OR8H2: variants seen among roughly 807,000 people sequenced by gnomAD.
OR8H2 encodes the protein olfactory receptor 8H2.
For missense variants in OR8H2, 374 were observed against 371.1 expected, an observed-to-expected ratio of 1.01 and a Z score of -0.06; for synonymous variants, 157 against 139.2, an observed-to-expected ratio of 1.13 and a Z score of -0.90.
chr11:56,104,348 G>A (rs571758614), intron 1 of OR8H2, among the ~76,000 whole-genome samples: 3 of 152,122 alleles, frequency 2.0e-5, no homozygotes, highest in East Asian at 3.9e-4. Context: ...GGAAACAAAA[G>A]GGGAGTAAAT....
Position 56,105,559 on chromosome 11 carries a change from G to C in OR8H2, c.517G>C (p.Val173Leu). 1 of 1,614,134 alleles carries C rather than the reference G, an allele frequency of 6.2e-7. No individual in the cohort carries two copies. Among genetic ancestry groups the C allele is most frequent in the Non-Finnish European group, 8.5e-7 (1 of 1,180,016 alleles). Reference sequence around the variant, plus strand: ...CAGATTGCATTTCTACGACTCAAACGTAATTCATCACTTTTTCTGTGACAC... The same window carrying C: ...CAGATTGCATTTCTACGACTCAAACCTAATTCATCACTTTTTCTGTGACAC... ...MSRLHFYDSN[V>L]IHHFFCDTSP... Residue 173 changes from valine (V) to leucine (L), a missense_variant, in exon 2 of 2, where the codon GTA (valine) becomes CTA (leucine). Coordinates refer to ENST00000313503, the MANE Select transcript of OR8H2 (RefSeq NM_001386064.1).
In OR8H2 at chr11:56,104,867, G is replaced by C. The variant is rs147348345; in HGVS notation, c.-171-5G>C. ...TTTTTGTTTGTTTTTTGTTTTTTGAGTCAGAGTCTGGCACAGTCGCCAGGG... is the reference window on the plus strand; with the variant it reads ...TTTTTGTTTGTTTTTTGTTTTTTGACTCAGAGTCTGGCACAGTCGCCAGGG... On this transcript the variant is annotated splice_region_variant and splice_polypyrimidine_tract_variant and intron_variant, in intron 1 of 1. Transcript: ENST00000313503. The C allele has an allele frequency of 0.046, 21,217 of 462,692 alleles. 935 individuals carry two copies. Among genetic ancestry groups the C allele is most frequent in the Non-Finnish European group, 0.056 (14,903 of 266,212 alleles). 28.7% of individuals were successfully genotyped at this position (462,692 alleles called of 1,614,324 possible). A position where few individuals can be genotyped will look rare whatever the true frequency, so the allele number is the denominator to read the frequency against.
rs1854053406 is a variant in OR8H2, at chr11:56,106,168, T to C, written c.*187T>C. The C allele has an allele frequency of 6.4e-6, 3 of 466,720 alleles. No homozygotes were observed. The highest frequency in any genetic ancestry group is 3.9e-5 in the Admixed American group (1 of 25,500). 28.9% of individuals were successfully genotyped at this position (466,720 alleles called of 1,614,324 possible). On this transcript the variant is annotated 3_prime_UTR_variant, in exon 2 of 2. Coordinates refer to ENST00000313503, the MANE Select transcript of OR8H2 (RefSeq NM_001386064.1). Reference sequence around the variant, plus strand: ...CATATGTTTTTAGAAATCCAAATGGTAATTAGAAATCATAATATGTGTGTC... The same window carrying C: ...CATATGTTTTTAGAAATCCAAATGGCAATTAGAAATCATAATATGTGTGTC...
intron 1 of OR8H2, 21 bp from the exon 2 acceptor site, chr11:56,104,846 TGTTTG>T (rs1446030973): frequency 0.04 from 15,790 of 392,396 alleles, 405 homozygotes; most frequent in Non-Finnish European, 0.05. Context: ...AGTTTTTTTT[TGTTTG>T]TTTTTTGTTT....
At position 56,103,730 on chromosome 11, in the gene OR8H2, T is replaced by A. The variant is rs1854010174; in HGVS notation, c.-429T>A. ...TGGTCACAGTAGCTGCTGGTCTTCT[T>A]TGACAAATAACTTCTTGGTAATCTT... On this transcript the variant is annotated 5_prime_UTR_variant, in exon 1 of 2. The change creates a new upstream start codon in the 5' untranslated region. Transcript: ENST00000313503. 3 of 152,176 alleles carry A rather than the reference T, an allele frequency of 2.0e-5. No individual in the cohort carries two copies. In the South Asian group the frequency reaches 6.2e-4, roughly 31 times the overall value. The allele number at this position is 152,176 out of a possible 1,614,324, so 9.4% of individuals were successfully genotyped here.
rs760014897 is a variant in OR8H2 at position 56,105,710 on chromosome 11, T to C, written c.668T>C (p.Phe223Ser). The C allele has an allele frequency of 4.3e-5, 70 of 1,613,976 alleles. No homozygotes were observed. The African/African-American group carries it at 6.1e-4, about 14-fold the overall frequency. ...TISASYVFIL[F>S]TILKINSTSG... ...TCTGCATCCTATGTGTTCATTCTCT[T>C]TACCATCCTGAAAATTAATTCCACT... is the stretch of plus-strand genomic sequence containing the variant. The change falls in exon 2 of 2, where the codon TTT becomes TCT. Residue 223 changes from phenylalanine (F) to serine (S), a missense_variant. Coordinates refer to ENST00000313503, the MANE Select transcript of OR8H2 (RefSeq NM_001386064.1).
At position 56,107,159 on chromosome 11, in the gene OR8H2, T is replaced by C. The variant is rs1854065967; in HGVS notation, c.*1178T>C. 1 of 151,936 alleles carries C rather than the reference T, an allele frequency of 6.6e-6. No individual in the cohort carries two copies. Among genetic ancestry groups the C allele is most frequent in the African/African-American group, 2.4e-5 (1 of 41,438 alleles). 9.4% of individuals were successfully genotyped at this position (151,936 alleles called of 1,614,324 possible). A position where few individuals can be genotyped will look rare whatever the true frequency, so the allele number is the denominator to read the frequency against. ...TTCACAATGTTTTGGACTTGAAATA[T>C]AAACTCACCAACTTACAAATCTACA... On this transcript the variant is annotated 3_prime_UTR_variant, in exon 2 of 2. Coordinates refer to ENST00000313503, the MANE Select transcript of OR8H2 (RefSeq NM_001386064.1).
chr11:56,105,402 T>C lies in OR8H2; in HGVS notation c.360T>C (p.His120=), dbSNP rs779266154. 13 of 1,614,022 alleles carry C rather than the reference T, an allele frequency of 8.1e-6. No homozygotes were observed. Among genetic ancestry groups the C allele is most frequent in the Middle Eastern group, 1.6e-4 (1 of 6,084 alleles). ...GTTACCTTCTCTCCTCAATGGCCCA[T>C]GATCGCTATGCAGCGATCTGCAGTC... The part of the protein sequence containing the change: ...AECYLLSSMA[H]DRYAAICSPL... The change falls in exon 2 of 2, where the codon CAT becomes CAC. Residue 120 remains histidine (H), a synonymous_variant. Coordinates refer to ENST00000313503, the MANE Select transcript of OR8H2 (RefSeq NM_001386064.1).
rs773811836 is a variant in OR8H2 at position 56,105,194 on chromosome 11, G to A, written c.152G>A (p.Arg51His). ...AATGTGGGGATGATATTGATAATCC[G>A]CCTGGACCTCCAGCTTCACACTCCC... ...LGNVGMILII[R>H]LDLQLHTPMY... The change falls in exon 2 of 2, where the codon CGC (arginine) becomes CAC (histidine). Residue 51 changes from arginine to histidine, a missense_variant. Arg to His is a conservative substitution (Grantham distance 29). Transcript: ENST00000313503. The A allele has an allele frequency of 4.3e-6, 7 of 1,614,074 alleles. No individual in the cohort carries two copies. The highest frequency in any genetic ancestry group is 4.0e-5 in the African/African-American group (3 of 74,992).
Position 56,105,659 on chromosome 11 carries a change from C to T in OR8H2, c.617C>T (p.Thr206Ile), listed in dbSNP as rs138895009. 459 of 1,614,080 alleles carry T rather than the reference C, an allele frequency of 2.8e-4. 1 individual carries two copies. The African/African-American group carries it at 5.6e-3, about 20-fold the overall frequency. ...CTGATATTCATTATTGTTGGTTCCA[C>T]CCTGATGGTGTCCCTTTTCACAATA... Reference protein sequence around the residue: ...EILIFIIVGSTLMVSLFTISA... With the variant: ...EILIFIIVGSILMVSLFTISA... Residue 206 changes from threonine (T) to isoleucine (I), a missense_variant, in exon 2 of 2, where the codon ACC becomes ATC. Transcript: ENST00000313503.
Position 56,106,012 on chromosome 11 carries a change from C to A in OR8H2, c.*31C>A. The A allele has an allele frequency of 1.6e-6, 2 of 1,257,820 alleles. No individual in the cohort carries two copies. The highest frequency in any genetic ancestry group is 2.2e-6 in the Non-Finnish European group (2 of 899,158). The allele number at this position is 1,257,820 out of a possible 1,614,324, so 77.9% of individuals were successfully genotyped here. A position where few individuals can be genotyped will look rare whatever the true frequency, so the allele number is the denominator to read the frequency against. On this transcript the variant is annotated 3_prime_UTR_variant, in exon 2 of 2. Coordinates refer to ENST00000313503, the MANE Select transcript of OR8H2 (RefSeq NM_001386064.1). ...ATAGCAGGAATGCTGAACATTTAAA[C>A]TCATCTTTTCTTTCATTCCTGTTGG... is the stretch of plus-strand genomic sequence containing the variant.
In OR8H2 at chr11:56,105,653, G is replaced by A. The variant is rs186538081; in HGVS notation, c.611G>A (p.Gly204Asp). ...NTEILIFIIV[G>D]STLMVSLFTI... ...GAAATCCTGATATTCATTATTGTTG[G>A]TTCCACCCTGATGGTGTCCCTTTTC... The change falls in exon 2 of 2, where the codon GGT becomes GAT. Residue 204 changes from glycine (G) to aspartate (D), a missense_variant. By Grantham distance (94) the Gly-to-Asp change is moderately conservative. Transcript: ENST00000313503. 2 of 1,613,992 alleles carry A rather than the reference G, an allele frequency of 1.2e-6. No homozygotes were observed. The highest frequency in any genetic ancestry group is 2.2e-5 in the East Asian group (1 of 44,872).
At position 56,105,130 on chromosome 11, in the gene OR8H2, A is replaced by G. The variant is rs146032852; in HGVS notation, c.88A>G (p.Met30Val). The change falls in exon 2 of 2, where the codon ATG becomes GTG. Residue 30 changes from methionine to valine, a missense_variant. Met to Val is a conservative substitution (Grantham distance 21). Transcript: ENST00000313503. ...LSEEIQMALF[M>V]LFLLIYLITM... is the part of the protein sequence containing the mutation. ...TGAAGAGATCCAGATGGCTCTGTTTATGCTATTTCTCCTGATATACCTAAT... is the reference window on the plus strand; with the variant it reads ...TGAAGAGATCCAGATGGCTCTGTTTGTGCTATTTCTCCTGATATACCTAAT... 1.9e-6 allele frequency: 3 copies of G among 1,614,232 alleles called. No homozygotes were observed. The highest frequency in any genetic ancestry group is 2.5e-6 in the Non-Finnish European group (3 of 1,180,030).
Position 56,105,222 on chromosome 11 carries a change from G to T in OR8H2, c.180G>T (p.Met60Ile). Residue 60 changes from methionine to isoleucine, a missense_variant, in exon 2 of 2, where the codon ATG becomes ATT. Physicochemically the swap from Met to Ile is conservative, Grantham distance 10. Coordinates refer to ENST00000313503, the MANE Select transcript of OR8H2 (RefSeq NM_001386064.1). Reference protein sequence around the residue: ...IRLDLQLHTPMYFFLTHLSFI... With the variant: ...IRLDLQLHTPIYFFLTHLSFI... ...TGGACCTCCAGCTTCACACTCCCAT[G>T]TATTTTTTCCTTACTCACCTGTCAT... 6.2e-7 allele frequency: 1 copy of T among 1,614,154 alleles called. No individual in the cohort carries two copies. Among genetic ancestry groups the T allele is most frequent in the South Asian group, 1.1e-5 (1 of 91,088 alleles).
rs1391649443 is a variant in OR8H2, at chr11:56,106,476, G to A, written c.*495G>A. On this transcript the variant is annotated 3_prime_UTR_variant, in exon 2 of 2. Coordinates refer to ENST00000313503, the MANE Select transcript of OR8H2 (RefSeq NM_001386064.1). ...TGCTACATTTTTAGCTGTATAGCCA[G>A]TAATACGTTACCTAAAGCTTAAGCC... 1.3e-5 allele frequency: 2 copies of A among 152,684 alleles called. No homozygotes were observed. The highest frequency in any genetic ancestry group is 4.8e-5 in the African/African-American group (2 of 41,422). The allele number at this position is 152,684 out of a possible 1,614,324, so 9.5% of individuals were successfully genotyped here.
Position 56,105,678 on chromosome 11 carries a change from C to T in OR8H2, c.636C>T (p.Phe212=). Residue 212 remains phenylalanine, a synonymous_variant, in exon 2 of 2, where the codon TTC becomes TTT. Transcript: ENST00000313503. ...GTTCCACCCTGATGGTGTCCCTTTT[C>T]ACAATATCTGCATCCTATGTGTTCA... ...IVGSTLMVSL[F]TISASYVFIL... 1 of 1,614,104 alleles carries T rather than the reference C, an allele frequency of 6.2e-7. No homozygotes were observed. The highest frequency in any genetic ancestry group is 8.5e-7 in the Non-Finnish European group (1 of 1,179,938).
In OR8H2 at chr11:56,106,214, T is replaced by C. The variant is rs1250598386; in HGVS notation, c.*233T>C. On this transcript the variant is annotated 3_prime_UTR_variant, in exon 2 of 2. Coordinates refer to ENST00000313503, the MANE Select transcript of OR8H2 (RefSeq NM_001386064.1). ...GTGTCATGTTTTCAGTCTACATATATGTGTTTGAAGCAACTGATGTGGAAA... is the reference window on the plus strand; with the variant it reads ...GTGTCATGTTTTCAGTCTACATATACGTGTTTGAAGCAACTGATGTGGAAA... The C allele has an allele frequency of 1.2e-5, 4 of 327,074 alleles. No individual in the cohort carries two copies. In the East Asian group the frequency reaches 2.1e-4, roughly 17 times the overall value. 20.3% of individuals were successfully genotyped at this position (327,074 alleles called of 1,614,324 possible). A position where few individuals can be genotyped will look rare whatever the true frequency, so the allele number is the denominator to read the frequency against.
At position 56,105,480 on chromosome 11, in the gene OR8H2, T is replaced by G. The variant is rs1854040544; in HGVS notation, c.438T>G (p.Thr146=). 1.2e-6 allele frequency: 2 copies of G among 1,614,206 alleles called. No homozygotes were observed. The highest frequency in any genetic ancestry group is 1.7e-6 in the Non-Finnish European group (2 of 1,180,046). Reference sequence around the variant, plus strand: ...AAAGGCTCTGCCTCGCTCTCATCACTGGGCCTTATGTGATTGGCTTTATAG... The same window carrying G: ...AAAGGCTCTGCCTCGCTCTCATCACGGGGCCTTATGTGATTGGCTTTATAG... ...MSKRLCLALI[T]GPYVIGFIDS... The change falls in exon 2 of 2, where the codon ACT becomes ACG. Residue 146 remains threonine, a synonymous_variant. Transcript: ENST00000313503.
rs765432272 is a variant in OR8H2, at chr11:56,105,847, G to A, written c.805G>A (p.Gly269Arg). The change falls in exon 2 of 2, where the codon GGA becomes AGA. Residue 269 changes from glycine (G) to arginine (R), a missense_variant. By Grantham distance (125) the Gly-to-Arg change is moderately radical (BLOSUM62 -2). Coordinates refer to ENST00000313503, the MANE Select transcript of OR8H2 (RefSeq NM_001386064.1). The part of the protein sequence containing the change: ...YLKPRKSYSL[G>R]RDQVASVFYT... ...AAAACCAAGAAAGTCTTATTCCTTG[G>A]GAAGAGATCAAGTGGCTTCTGTTTT... The A allele has an allele frequency of 2.5e-6, 4 of 1,613,056 alleles. No individual in the cohort carries two copies. The highest frequency in any genetic ancestry group is 2.2e-5 in the South Asian group (2 of 91,036).
Sources: gnomAD v4.1 joint callset for allele counts (sites outside exome capture counted in the v4.1 genomes callset) on GRCh38, gnomAD v4.1.1 for gene constraint, MANE v1.5 for transcripts, NCBI Gene and HGNC (gene_info 2026-07-23, HGNC 2026-07-21) for gene names.